FMR1NB: variants seen among roughly 807,000 people sequenced by gnomAD.
The protein encoded by FMR1NB is FMR1 neighbor, also known as FMR1 neighbor protein.
In FMR1NB, 10 loss-of-function variants were observed where a neutral mutation model predicts 16.8. That is an observed-to-expected ratio of 0.60 (90% confidence interval 0.37 to 1.01). The LOEUF is 1.01. Among genes scored for constraint, FMR1NB ranks in the 50% least tolerant of loss-of-function variants. FMR1NB has a pLI of 0.01. For missense variants in FMR1NB, 205 were observed against 204.8 expected, an observed-to-expected ratio of 1.00 and a Z score of 0.00; for synonymous variants, 83 against 79.1, an observed-to-expected ratio of 1.05 and a Z score of -0.26.
chrX:148,021,921 G>T, intron 4 of FMR1NB, among the ~76,000 whole-genome samples: 1 of 103,161 alleles, frequency 9.7e-6, no homozygotes. Flanking sequence ...TATCCAGCCT[G>T]GATCCCATTG....
At chrX:148,025,080 C>T (rs1186634636) in intron 5 of FMR1NB, 67 bp downstream of exon 5, 21 of 1,103,669 alleles carry the variant, frequency 1.9e-5, no homozygotes, top group Non-Finnish European at 2.4e-5. Flanking sequence ...TATATTTCTA[C>T]CATCATCTTG....
chrX:147,999,863 A>G (rs145985787), intron 1 of FMR1NB, among the ~76,000 whole-genome samples: 1,624 of 112,059 alleles, frequency 0.014, 31 homozygotes, highest in African/African-American at 0.05. Context: ...TGAAGATAAA[A>G]TTGTCATGAT....
chrX:147,998,110 A>G (rs782169485), intron 1 of FMR1NB, among the ~76,000 whole-genome samples: 2 of 112,585 alleles, frequency 1.8e-5, no homozygotes, highest in African/African-American at 3.2e-5. Flanking sequence ...CTGGGTATAT[A>G]CCCAAAGGAT....
intron 3 of FMR1NB, 37 bp downstream of exon 3, chrX:148,006,879 ATAT>A (rs782447215): frequency 8.6e-6 from 10 of 1,156,647 alleles, no homozygotes; most frequent in Non-Finnish European, 1.2e-5. Flanking sequence ...CTATTTTTTA[ATAT>A]TAAATAAACA....
intron 4 of FMR1NB, among the ~76,000 whole-genome samples, chrX:148,011,189 G>A (rs1347974695): frequency 1.8e-5 from 2 of 110,498 alleles, no homozygotes; most frequent in African/African-American, 6.6e-5. Flanking sequence ...GCTTGAACCC[G>A]GGAGGCGGCA....
chrX:147,988,260 G>A (rs5904825), intron 1 of FMR1NB, among the ~76,000 whole-genome samples: 1,297 of 110,633 alleles, frequency 0.012, 19 homozygotes, highest in African/African-American at 0.041. Flanking sequence ...TTTCTCCTTC[G>A]CTTATGAAGC....
intron 1 of FMR1NB, among the ~76,000 whole-genome samples, chrX:147,991,218 A>G (rs1460492330): frequency 4.6e-5 from 5 of 109,601 alleles, no homozygotes; most frequent in African/African-American, 1.7e-4. Context: ...CTTCCTTCAC[A>G]AAGACCTTTC....
intron 3 of FMR1NB, among the ~76,000 whole-genome samples, chrX:148,008,389 G>A (rs782271375): frequency 2.7e-5 from 3 of 111,890 alleles, no homozygotes; most frequent in Non-Finnish European, 5.6e-5. Context: ...TTTTGTTAAG[G>A]CTTCATTAAG....
intron 1 of FMR1NB, among the ~76,000 whole-genome samples, chrX:147,987,138 A>G (rs1303942519): frequency 1.8e-5 from 2 of 111,496 alleles, no homozygotes; most frequent in African/African-American, 3.3e-5. Context: ...TTCTTGGTGT[A>G]TAGGAATGCT....
At chrX:147,986,056 T>G (rs1190328283) in intron 1 of FMR1NB, among the ~76,000 whole-genome samples, 3 of 112,790 alleles carry the variant, frequency 2.7e-5, no homozygotes, top group Non-Finnish European at 5.6e-5. Flanking sequence ...TATTTGCATT[T>G]CTCTAATGAC....
intron 2 of FMR1NB, among the ~76,000 whole-genome samples, chrX:148,006,260 CACTT>C (rs1215828176): frequency 1.8e-5 from 2 of 112,035 alleles, no homozygotes; most frequent in African/African-American, 6.5e-5. Context: ...GCCAGTGTAT[CACTT>C]ACTTTAGTCA....
chrX:148,003,437 A>T, intron 2 of FMR1NB, 117 bp downstream of exon 2: 1 of 800,721 alleles, frequency 1.2e-6, no homozygotes, highest in Non-Finnish European at 1.8e-6. Context: ...CTGAGTTTGA[A>T]TCCTGGCTCT....
At chrX:148,012,967 C>G (rs1182331665) in intron 4 of FMR1NB, among the ~76,000 whole-genome samples, 1 of 111,652 alleles carries the variant, frequency 9.0e-6, no homozygotes, top group East Asian at 2.8e-4. Flanking sequence ...CATCTGGATT[C>G]AGAGGAAGGA....
At chrX:148,006,901 T>G (rs187193505) in intron 3 of FMR1NB, 59 bp downstream of exon 3, 105 of 1,090,869 alleles carry the variant, frequency 9.6e-5, no homozygotes, top group African/African-American at 8.3e-4. Flanking sequence ...CAGATCGCAG[T>G]GGCATAAGTT....
chrX:147,997,261 T>C (rs1333801829), intron 1 of FMR1NB, among the ~76,000 whole-genome samples: 12 of 111,768 alleles, frequency 1.1e-4, no homozygotes, highest in African/African-American at 3.6e-4. Flanking sequence ...AAAACAGACA[T>C]ACAGACCAAT....
intron 4 of FMR1NB, among the ~76,000 whole-genome samples, chrX:148,020,834 A>G (rs1445939799): frequency 8.9e-6 from 1 of 111,827 alleles, no homozygotes; most frequent in African/African-American, 3.3e-5. Flanking sequence ...TTTTGGAGCT[A>G]TGAGTTTTGC....
chrX:148,018,188 C>T (rs782010541), intron 4 of FMR1NB, among the ~76,000 whole-genome samples: 1 of 110,934 alleles, frequency 9.0e-6, no homozygotes, highest in Non-Finnish European at 1.9e-5. Context: ...TCTCCACATC[C>T]TCTCCAGCAC....
intron 1 of FMR1NB, among the ~76,000 whole-genome samples, chrX:147,990,156 G>C (rs2044497234): frequency 9.0e-6 from 1 of 111,495 alleles, no homozygotes; most frequent in South Asian, 3.8e-4. Context: ...GGAATCTCCT[G>C]GTCTGTGGAC....
At chrX:147,990,039 G>GAA (rs200206178) in intron 1 of FMR1NB, among the ~76,000 whole-genome samples, 8 of 87,661 alleles carry the variant, frequency 9.1e-5, no homozygotes, top group East Asian at 3.6e-4. Context: ...ACTGGGCTAA[G>GAA]AAAAAAAAAA....
Sources: allele counts gnomAD v4.1 joint callset (sites outside exome capture counted in the v4.1 genomes callset), GRCh38; gene constraint gnomAD v4.1.1; transcripts MANE v1.5; gene names NCBI Gene and HGNC (gene_info 2026-07-23, HGNC 2026-07-21).